The following MOB3B variants were observed in gnomAD, a reference collection of about 807,000 sequenced individuals.
MOB3B encodes the protein MOB kinase activator 3B, also known as MOB kinase activator-like 2B.
A neutral mutation model predicts 18.7 loss-of-function variants in MOB3B; 7 were observed. The ratio of observed to expected loss-of-function variants is 0.37; its 90% CI spans 0.21 to 0.70. The LOEUF is 0.70. Among genes scored for constraint, MOB3B ranks in the 30% least tolerant of loss-of-function variants. MOB3B has a pLI of 0.52. For synonymous variants in MOB3B, 111 were observed against 99.9 expected (o/e 1.11, Z -0.66); for missense variants, 253 against 281.3 (o/e 0.90, Z 0.72).
chr9:27,478,576 A>G (rs1398420535), intron 1 of MOB3B, among the ~76,000 whole-genome samples: 1 of 152,140 alleles, frequency 6.6e-6, no homozygotes, highest in Non-Finnish European at 1.5e-5. Flanking sequence ...GGGTCTAAAG[A>G]AGTGTTCTGA....
intron 1 of MOB3B, among the ~76,000 whole-genome samples, chr9:27,494,385 G>C (rs1819867692): frequency 6.6e-6 from 1 of 152,112 alleles, no homozygotes; most frequent in Non-Finnish European, 1.5e-5. Flanking sequence ...ATAAAAACTT[G>C]CTGGTTTTTG....
intron 1 of MOB3B, among the ~76,000 whole-genome samples, chr9:27,483,226 G>A (rs1040569408): frequency 7.6e-6 from 1 of 132,078 alleles, no homozygotes; most frequent in South Asian, 2.6e-4. Flanking sequence ...TCCGCCTCCC[G>A]GGTTCACGCC....
chr9:27,505,376 C>T (rs771357571), intron 1 of MOB3B, among the ~76,000 whole-genome samples: 18 of 152,078 alleles, frequency 1.2e-4, no homozygotes, highest in Non-Finnish European at 1.9e-4. Flanking sequence ...GACTCTAGTC[C>T]CTAGATACAT....
chr9:27,344,941 A>G (rs34037492), intron 3 of MOB3B, among the ~76,000 whole-genome samples: 18,025 of 152,290 alleles, frequency 0.12, 2,794 homozygotes, highest in African/African-American at 0.36. Flanking sequence ...CGACAGGGTC[A>G]ACAACCTAAA....
intron 1 of MOB3B, among the ~76,000 whole-genome samples, chr9:27,461,818 G>C (rs1210385119): frequency 6.6e-6 from 1 of 152,178 alleles, no homozygotes; most frequent in African/African-American, 2.4e-5. Flanking sequence ...GAATGCACAG[G>C]TGTTTTCAGC....
At chr9:27,469,929 C>T (rs1231630166) in intron 1 of MOB3B, among the ~76,000 whole-genome samples, 3 of 151,800 alleles carry the variant, frequency 2.0e-5, no homozygotes, top group Non-Finnish European at 2.9e-5. Flanking sequence ...CTCCCCCAGC[C>T]ATCTCTGCAA....
chr9:27,353,228 C>T (rs752774029), intron 3 of MOB3B, among the ~76,000 whole-genome samples: 3 of 152,172 alleles, frequency 2.0e-5, no homozygotes, highest in Admixed American at 6.5e-5. Context: ...TGAACATTCT[C>T]GAGTCTCCTC....
chr9:27,507,600 T>C (rs565519041), intron 1 of MOB3B, among the ~76,000 whole-genome samples: 60 of 152,314 alleles, frequency 3.9e-4, no homozygotes, highest in Non-Finnish European at 4.3e-4. Context: ...ATTCAGTACA[T>C]GGAATTTAAT....
rs146651564 is a variant in MOB3B, at chr9:27,519,909, G to T, written c.-199+9646C>A. Among the ~76,000 whole-genome samples the T allele has an allele frequency of 6.0e-3, 913 of 151,860 alleles. 4 individuals carry two copies. Among genetic ancestry groups the T allele is most frequent in the Non-Finnish European group, 7.7e-3 (525 of 67,974 alleles). On this transcript the variant is annotated intron_variant, in intron 1 of 3. Coordinates refer to ENST00000262244, the MANE Select transcript of MOB3B (RefSeq NM_024761.5). ...GCCAGAGGTGACTGCGTTTGTCTGA[G>T]GATAAAATAGCTGCACACAACCTTG...
At position 27,436,078 on chromosome 9, in the gene MOB3B, A is replaced by T. The variant is rs143746135; in HGVS notation, c.418+19055T>A. Among the ~76,000 whole-genome samples, 252 of 152,048 alleles carry T rather than the reference A, an allele frequency of 1.7e-3. 1 individual carries two copies. The highest frequency in any genetic ancestry group is 7.3e-3 in the South Asian group (35 of 4,796). On this transcript the variant is annotated intron_variant, in intron 2 of 3. Coordinates refer to ENST00000262244, the MANE Select transcript of MOB3B (RefSeq NM_024761.5). Reference sequence around the variant, plus strand: ...GCTGTTGTTCTACCCCGCTACCCAGACCCCGTACCACCATCCTATCCTTTC... The same window carrying T: ...GCTGTTGTTCTACCCCGCTACCCAGTCCCCGTACCACCATCCTATCCTTTC...
chr9:27,350,314 T>A (rs1821086991), intron 3 of MOB3B, among the ~76,000 whole-genome samples: 1 of 152,168 alleles, frequency 6.6e-6, no homozygotes. Flanking sequence ...CTATTTCCTT[T>A]ATCATCTGTG....
intron 2 of MOB3B, among the ~76,000 whole-genome samples, chr9:27,386,263 T>C (rs1821649161): frequency 6.6e-6 from 1 of 152,122 alleles, no homozygotes; most frequent in Non-Finnish European, 1.5e-5. Flanking sequence ...TATCATGGGA[T>C]TGAGGGGTTT....
chr9:27,457,936 C>T (rs1587230206), intron 1 of MOB3B, among the ~76,000 whole-genome samples: 1 of 152,130 alleles, frequency 6.6e-6, no homozygotes, highest in East Asian at 1.9e-4. Context: ...TGCCTGAAAA[C>T]AGGCTTAAGA....
intron 2 of MOB3B, among the ~76,000 whole-genome samples, chr9:27,419,912 A>C (rs1822213613): frequency 6.6e-6 from 1 of 152,208 alleles, no homozygotes; most frequent in Admixed American, 6.5e-5. Context: ...ACATCTGACA[A>C]AAGACCAATA....
chr9:27,524,425 G>A (rs200047046), intron 1 of MOB3B: 2 of 1,614,100 alleles, frequency 1.2e-6, no homozygotes, highest in Non-Finnish European at 1.7e-6. Flanking sequence ...TCCCTGGACT[G>A]TAACTTACTG....
chr9:27,457,488 A>G (rs888957945), intron 1 of MOB3B, among the ~76,000 whole-genome samples: 2 of 152,148 alleles, frequency 1.3e-5, no homozygotes, highest in Non-Finnish European at 1.5e-5. Context: ...TTTCAACCTT[A>G]AGTTATTGAG....
intron 2 of MOB3B, among the ~76,000 whole-genome samples, chr9:27,413,075 C>T (rs1038350261): frequency 6.6e-6 from 1 of 152,216 alleles, no homozygotes; most frequent in Admixed American, 6.5e-5. Context: ...CTTCTGTCTC[C>T]TGCTCCCACC....
At chr9:27,500,226 G>A (rs533459702) in intron 1 of MOB3B, among the ~76,000 whole-genome samples, 2 of 151,862 alleles carry the variant, frequency 1.3e-5, no homozygotes, top group African/African-American at 2.4e-5. Flanking sequence ...GGGTTGGGGG[G>A]TGGGGAGAAC....
chr9:27,436,996 G>T (rs1022650835), intron 2 of MOB3B, among the ~76,000 whole-genome samples: 5 of 149,198 alleles, frequency 3.4e-5, no homozygotes, highest in African/African-American at 7.4e-5. Flanking sequence ...AGCTGGGAGT[G>T]GGGGGAAGAC....
Sources: allele counts gnomAD v4.1 joint callset (sites outside exome capture counted in the v4.1 genomes callset), GRCh38; gene constraint gnomAD v4.1.1; transcripts MANE v1.5; gene names NCBI Gene and HGNC (gene_info 2026-07-23, HGNC 2026-07-21).